SPOCK1: variants seen among roughly 807,000 people sequenced by gnomAD.
SPOCK1 encodes testican-1.
A neutral mutation model predicts 55.3 loss-of-function variants in SPOCK1; 23 were observed. The ratio of observed to expected loss-of-function variants is 0.42; its 90% CI spans 0.30 to 0.59. The LOEUF is 0.59. Among genes scored for constraint, SPOCK1 ranks in the 20% least tolerant of loss-of-function variants. SPOCK1 has a pLI of 0.22. For missense variants in SPOCK1, 499 were observed against 552.5 expected (o/e 0.90, Z 0.97); for synonymous variants, 226 against 221.0 (o/e 1.02, Z -0.20).
intron 3 of SPOCK1, among the ~76,000 whole-genome samples, chr5:137,211,219 A>C (rs1755608171): frequency 6.6e-6 from 1 of 152,194 alleles, no homozygotes; most frequent in African/African-American, 2.4e-5. Flanking sequence ...CCATTGGTGC[A>C]TAGGAGTTAA....
At chr5:137,432,937 CT>C (rs987548816) in intron 2 of SPOCK1, among the ~76,000 whole-genome samples, 1 of 152,084 alleles carries the variant, frequency 6.6e-6, no homozygotes, top group African/African-American at 2.4e-5. Flanking sequence ...CATATTTGTC[CT>C]AGATGAACAT....
chr5:137,077,216 G>C (rs575385422), intron 5 of SPOCK1, among the ~76,000 whole-genome samples: 1 of 152,222 alleles, frequency 6.6e-6, no homozygotes, highest in Non-Finnish European at 1.5e-5. Context: ...GAGCCACCGC[G>C]CCCGGCCCCC....
At chr5:136,987,128 A>G (rs926269609) in intron 8 of SPOCK1, among the ~76,000 whole-genome samples, 1 of 152,140 alleles carries the variant, frequency 6.6e-6, no homozygotes, top group African/African-American at 2.4e-5. Context: ...TGTAATACAC[A>G]ATCTAGACTG....
At chr5:137,465,906 G>A (rs1464446703) in intron 2 of SPOCK1, among the ~76,000 whole-genome samples, 1 of 152,172 alleles carries the variant, frequency 6.6e-6, no homozygotes, top group African/African-American at 2.4e-5. Context: ...CAAGGTCTTA[G>A]AACCTCATAA....
At chr5:137,404,071 G>T (rs1301675390) in intron 2 of SPOCK1, among the ~76,000 whole-genome samples, 2 of 152,302 alleles carry the variant, frequency 1.3e-5, no homozygotes, top group Admixed American at 6.5e-5. Context: ...CCAGGATGGT[G>T]CAGCAGAGTT....
chr5:137,005,923 C>A lies in SPOCK1; in HGVS notation c.590-13323G>T, dbSNP rs536397441. Among the ~76,000 whole-genome samples, 1,102 of 152,234 alleles carry A rather than the reference C, an allele frequency of 7.2e-3. 8 individuals carry two copies. The highest frequency in any genetic ancestry group is 0.012 in the Non-Finnish European group (785 of 68,002). ...CACAGCATAAGCTAGGAAAAAGGGA[C>A]CGAGAACGGTCAATACTAAGATCTA... is the stretch of plus-strand genomic sequence containing the variant. On this transcript the variant is annotated intron_variant, in intron 6 of 10. Transcript: ENST00000394945.
At chr5:137,321,777 G>A (rs1262396425) in intron 2 of SPOCK1, among the ~76,000 whole-genome samples, 2 of 151,542 alleles carry the variant, frequency 1.3e-5, no homozygotes, top group East Asian at 2.0e-4. Flanking sequence ...ACTCAGGAGG[G>A]TCAGGCAGGA....
chr5:136,992,495 G>T lies in SPOCK1; in HGVS notation c.695C>A (p.Thr232Lys), dbSNP rs779883526. The stretch of plus-strand genomic sequence containing the variant: ...TAAAATGGTCTTACTGCCTTGGGCT[G>T]TGTTGGAGCTGGTGGGCTTGATGAC... ...NRVIKPTSSN[T>K]AQGRFDTSIL... The change falls in exon 7 of 11, where the codon ACA (threonine) becomes AAA (lysine). Residue 232 changes from threonine (T) to lysine (K), a missense_variant. Thr to Lys is a moderately conservative substitution (Grantham distance 78). Around this residue, in one of 3 missense-constraint regions of SPOCK1, gnomAD observed 386 missense variants for 400.6 expected, o/e 0.96. Transcript: ENST00000394945. 6.2e-7 allele frequency: 1 copy of T among 1,612,878 alleles called. No individual in the cohort carries two copies.
intron 2 of SPOCK1, among the ~76,000 whole-genome samples, chr5:137,476,768 T>C (rs928081416): frequency 1.3e-5 from 2 of 151,982 alleles, no homozygotes; most frequent in African/African-American, 4.8e-5. Context: ...CTACTAAAAA[T>C]ACAAAAATCA....
intron 2 of SPOCK1, among the ~76,000 whole-genome samples, chr5:137,423,198 G>T (rs1011718331): frequency 9.2e-5 from 14 of 152,198 alleles, no homozygotes; most frequent in Admixed American, 2.6e-4. Flanking sequence ...TGCCCCTACT[G>T]GGGGGTGCCT....
intron 3 of SPOCK1, among the ~76,000 whole-genome samples, chr5:137,216,128 G>C (rs537466396): frequency 1.3e-3 from 196 of 152,288 alleles, no homozygotes; most frequent in African/African-American, 4.5e-3. Context: ...GCATGGCAGG[G>C]AAAGGGGGCA....
At chr5:137,140,747 A>ATTTTTTTTTTTTTTTTTTTTTTTTT (rs11309240) in intron 3 of SPOCK1, 53 bp from the exon 4 acceptor site, 1 of 328,302 alleles carries the variant, frequency 3.0e-6, no homozygotes, top group Non-Finnish European at 4.7e-6. Context: ...GGGAAATTTA[A>ATTTTTTTTTTTTTTTTTTTTTTTTT]TTTTTTTTTT....
intron 5 of SPOCK1, among the ~76,000 whole-genome samples, chr5:137,074,590 C>A (rs2127009844): frequency 6.6e-6 from 1 of 152,338 alleles, no homozygotes; most frequent in East Asian, 1.9e-4. Context: ...GATTTCAGCT[C>A]ACTGCAACCT....
rs551548969 is a variant in SPOCK1 at position 137,085,490 on chromosome 5, C to T, written c.475-17661G>A. On this transcript the variant is annotated intron_variant, in intron 5 of 10. Coordinates refer to ENST00000394945, the MANE Select transcript of SPOCK1 (RefSeq NM_004598.4). Reference sequence around the variant, plus strand: ...AAGGAAGCGGGGACTGATAGAGAGGCCTGTGGGGAGATGGCTTTAGAGAAA... The same window carrying T: ...AAGGAAGCGGGGACTGATAGAGAGGTCTGTGGGGAGATGGCTTTAGAGAAA... Among the ~76,000 whole-genome samples the T allele has an allele frequency of 6.1e-4, 93 of 152,234 alleles. 1 individual carries two copies. Among genetic ancestry groups the T allele is most frequent in the African/African-American group, 2.2e-3 (90 of 41,546 alleles).
intron 5 of SPOCK1, 63 bp downstream of exon 5, chr5:137,112,372 A>G (rs940136800): frequency 1.6e-5 from 25 of 1,575,078 alleles, no homozygotes; most frequent in Non-Finnish European, 2.2e-5. Context: ...TTTGGCATAG[A>G]GAAGTGTTAG....
intron 2 of SPOCK1, among the ~76,000 whole-genome samples, chr5:137,329,788 C>CT (rs1480723912): frequency 6.6e-6 from 1 of 152,208 alleles, no homozygotes; most frequent in Non-Finnish European, 1.5e-5. Context: ...GAGAAGCCAT[C>CT]TGCATGGCTC....
chr5:137,197,039 G>A (rs1755314141), intron 3 of SPOCK1, among the ~76,000 whole-genome samples: 1 of 152,188 alleles, frequency 6.6e-6, no homozygotes, highest in African/African-American at 2.4e-5. Flanking sequence ...CTATGTGCCA[G>A]GATACCCACC....
chr5:137,380,282 A>G (rs1220845513), intron 2 of SPOCK1, among the ~76,000 whole-genome samples: 2 of 152,150 alleles, frequency 1.3e-5, no homozygotes, highest in East Asian at 3.8e-4. Flanking sequence ...GCAACAGAAA[A>G]CTCATTAATG....
intron 4 of SPOCK1, among the ~76,000 whole-genome samples, chr5:137,123,535 A>C (rs1015014595): frequency 1.3e-5 from 2 of 152,198 alleles, no homozygotes; most frequent in East Asian, 3.9e-4. Context: ...TTGTGTCAGC[A>C]CAGGGAGTAG....
Sources: allele counts gnomAD v4.1 joint callset (sites outside exome capture counted in the v4.1 genomes callset), GRCh38; gene constraint gnomAD v4.1.1; regional missense constraint gnomAD v4.1.1; transcripts MANE v1.5; gene names NCBI Gene and HGNC (gene_info 2026-07-23, HGNC 2026-07-21).